IARS1: variants seen among roughly 807,000 people sequenced by gnomAD.
IARS1 encodes the protein isoleucine--tRNA ligase, cytoplasmic.
A neutral mutation model predicts 168.2 loss-of-function variants in IARS1; 124 were observed. The ratio of observed to expected loss-of-function variants is 0.74; its 90% CI spans 0.64 to 0.86. The LOEUF (loss-of-function observed/expected upper bound fraction) is 0.86. Ranked by LOEUF, IARS1 falls within the 40% of genes least tolerant of loss-of-function variation. The probability of loss-of-function intolerance (pLI) is 0.00; values close to 1 mark genes in which losing one functional copy is unlikely to be tolerated. For synonymous variants in IARS1, 532 were observed against 529.4 expected (o/e 1.00, Z -0.07); for missense variants, 1,452 against 1,515.8 (o/e 0.96, Z 0.70).
intron 9 of IARS1, among the ~76,000 whole-genome samples, chr9:92,275,973 G>A (rs1202593753): frequency 6.6e-6 from 1 of 152,190 alleles, no homozygotes; most frequent in Non-Finnish European, 1.5e-5. Context: ...TAAAGTTCCT[G>A]TCTAGTGTAT....
chr9:92,247,164 A>T (rs1829319082), intron 26 of IARS1, among the ~76,000 whole-genome samples: 2 of 152,144 alleles, frequency 1.3e-5, no homozygotes, highest in African/African-American at 2.4e-5. Flanking sequence ...ACTGTGCTCC[A>T]GGATGGATGA....
rs1183739237 is a variant in IARS1, at chr9:92,266,017, T to A, written c.1432-464A>T. On this transcript the variant is annotated intron_variant, in intron 14 of 33. Coordinates refer to ENST00000443024, the MANE Select transcript of IARS1 (RefSeq NM_002161.6). ...TGGGCCGAAGGATAGTATTTGCTAA[T>A]GTGGCTTCTCTCTCATGAAAGACAC... is the stretch of plus-strand genomic sequence containing the variant. Among the ~76,000 whole-genome samples the A allele has an allele frequency of 2.0e-5, 3 of 152,174 alleles. No homozygotes were observed. The East Asian group carries it at 5.8e-4, about 29-fold the overall frequency.
At chr9:92,224,972 C>T (rs1334649949) in intron 31 of IARS1, among the ~76,000 whole-genome samples, 1 of 152,150 alleles carries the variant, frequency 6.6e-6, no homozygotes, top group Non-Finnish European at 1.5e-5. Context: ...ACGGGCTCCA[C>T]AACATTACTT....
At position 92,229,086 on chromosome 9, in the gene IARS1, C is replaced by T; in HGVS notation, c.3324G>A (p.Arg1108=). The change falls in exon 31 of 34, where the codon AGG becomes AGA. Residue 1108 remains arginine, a synonymous_variant. Transcript: ENST00000443024. ...LLLENPKGDN[R]LDLLKLKSVV... is the part of the protein sequence containing the mutation. ...CACTCTTCAGCTTTAAAAGGTCCAACCTATTGTCACCTTTTGGATTTTCCA... is the reference window on the plus strand; with the variant it reads ...CACTCTTCAGCTTTAAAAGGTCCAATCTATTGTCACCTTTTGGATTTTCCA... 1.2e-6 allele frequency: 2 copies of T among 1,613,942 alleles called. No individual in the cohort carries two copies. Among genetic ancestry groups the T allele is most frequent in the Non-Finnish European group, 1.7e-6 (2 of 1,179,958 alleles).
chr9:92,251,539 T>C (rs1312519115), intron 22 of IARS1, among the ~76,000 whole-genome samples: 3 of 152,198 alleles, frequency 2.0e-5, no homozygotes, highest in Non-Finnish European at 4.4e-5. Context: ...CTTTGAACTG[T>C]AGATCCTCAT....
At position 92,270,046 on chromosome 9, in the gene IARS1, C is replaced by T. The variant is rs535524362; in HGVS notation, c.1206-63G>A. The T allele has an allele frequency of 1.3e-5, 13 of 998,440 alleles. No individual in the cohort carries two copies. In the South Asian group the frequency reaches 1.6e-4, roughly 12 times the overall value. 61.8% of individuals were successfully genotyped at this position (998,440 alleles called of 1,614,324 possible). ...GAGACTAGTAGGCACTACGGTAAGA[C>T]TGACTTTTCATGTCTTATTGACAGC... On this transcript the variant is annotated intron_variant, in intron 12 of 33. Transcript: ENST00000443024.
chr9:92,222,776 C>A, intron 32 of IARS1, 104 bp from the exon 33 acceptor site: 1 of 1,134,736 alleles, frequency 8.8e-7, no homozygotes, highest in Non-Finnish European at 1.3e-6. Flanking sequence ...CTGAGGCCAG[C>A]AGTGCGTCCA....
chr9:92,250,577 GA>G (rs2133698362), intron 23 of IARS1, 135 bp downstream of exon 23: 1 of 967,520 alleles, frequency 1.0e-6, no homozygotes, highest in African/African-American at 1.7e-5. Flanking sequence ...CCTGCAGCCT[GA>G]GGAGTTCATG....
intron 22 of IARS1, 126 bp downstream of exon 22, chr9:92,251,682 T>A: frequency 1.5e-6 from 1 of 668,996 alleles, no homozygotes; most frequent in Non-Finnish European, 2.6e-6. Flanking sequence ...TAAGGTGTTA[T>A]AAAACTTCTA....
intron 33 of IARS1, among the ~76,000 whole-genome samples, chr9:92,214,068 T>C (rs1022747682): frequency 4.0e-5 from 6 of 151,720 alleles, no homozygotes; most frequent in African/African-American, 1.5e-4. Context: ...ATTACACGAG[T>C]GAGCCACCAC....
intron 33 of IARS1, among the ~76,000 whole-genome samples, chr9:92,211,531 T>C (rs930776263): frequency 2.6e-5 from 4 of 152,150 alleles, no homozygotes; most frequent in Non-Finnish European, 5.9e-5. Flanking sequence ...GGGTCTTGTG[T>C]GGATCTTTCC....
At chr9:92,247,353 G>A (rs765378268) in intron 26 of IARS1, 24 bp downstream of exon 26, 1 of 1,603,134 alleles carries the variant, frequency 6.2e-7, no homozygotes, top group Admixed American at 1.7e-5. Context: ...CATAAATGGT[G>A]CCCTTGTCTG....
At chr9:92,288,365 T>C (rs13289259) in intron 2 of IARS1, 83 bp from the exon 3 acceptor site, 12,695 of 1,168,626 alleles carry the variant, frequency 0.011, 106 homozygotes, top group Middle Eastern at 0.027. Context: ...CTTGTCATAG[T>C]GGAGTCTTCA....
At chr9:92,257,053 G>A (rs1830830953) in intron 19 of IARS1, among the ~76,000 whole-genome samples, 1 of 152,192 alleles carries the variant, frequency 6.6e-6, no homozygotes, top group Non-Finnish European at 1.5e-5. Context: ...GCACCAAAGA[G>A]TAATTATGAA....
chr9:92,217,733 G>A (rs1838968413), intron 33 of IARS1, among the ~76,000 whole-genome samples: 1 of 152,210 alleles, frequency 6.6e-6, no homozygotes, highest in East Asian at 1.9e-4. Flanking sequence ...GGAAGAAGTT[G>A]AATCTCTGAA....
At chr9:92,282,048 T>C (rs1010682850) in intron 6 of IARS1, among the ~76,000 whole-genome samples, 3 of 152,158 alleles carry the variant, frequency 2.0e-5, no homozygotes, top group African/African-American at 7.2e-5. Context: ...CATGAGGTAA[T>C]ACAGCATCAA....
At chr9:92,282,862 T>A (rs9409468) in intron 6 of IARS1, among the ~76,000 whole-genome samples, 17,922 of 125,462 alleles carry the variant, frequency 0.14, 1,448 homozygotes, top group East Asian at 0.44. Flanking sequence ...ATATATATAT[T>A]TTTTTTTTTT....
intron 21 of IARS1, among the ~76,000 whole-genome samples, chr9:92,252,764 CAA>C (rs34983021): frequency 0.051 from 1,371 of 26,712 alleles, no homozygotes; most frequent in South Asian, 0.079. Flanking sequence ...AACTCCTTCT[CAA>C]AAAAAAAAAA....
At chr9:92,244,005 C>T (rs11787696) in intron 27 of IARS1, among the ~76,000 whole-genome samples, 17,103 of 152,116 alleles carry the variant, frequency 0.11, 1,103 homozygotes, top group South Asian at 0.22. Flanking sequence ...TTTGAGTAAA[C>T]AGAGAAGTTA....
Sources: allele counts gnomAD v4.1 joint callset (sites outside exome capture counted in the v4.1 genomes callset), GRCh38; gene constraint gnomAD v4.1.1; transcripts MANE v1.5; gene names NCBI Gene and HGNC (gene_info 2026-07-23, HGNC 2026-07-21).